Variants in CEP192 observed in about 807,000 individuals in gnomAD.
CEP192 encodes the protein centrosomal protein of 192 kDa.
CEP192 carries 151 observed loss-of-function variants against 271.8 expected under a neutral mutation model. The ratio of observed to expected loss-of-function variants is 0.56; its 90% CI spans 0.49 to 0.64. The LOEUF (loss-of-function observed/expected upper bound fraction) is 0.64. CEP192 is among the 30% of genes least tolerant of loss of function. The pLI is 0.00. For missense variants in CEP192, 2,910 were observed against 3,020.5 expected, an observed-to-expected ratio of 0.96 and a Z score of 0.86; for synonymous variants, 995 against 1,076.5, an observed-to-expected ratio of 0.92 and a Z score of 1.48.
intron 30 of CEP192, among the ~76,000 whole-genome samples, chr18:13,085,041 G>T (rs1568393067): frequency 2.0e-5 from 3 of 151,594 alleles, no homozygotes; most frequent in Non-Finnish European, 4.4e-5. Flanking sequence ...TAGCCAGGAT[G>T]GTCTTGATCT....
At chr18:13,050,786 G>T (rs1478713382) in intron 17 of CEP192, among the ~76,000 whole-genome samples, 1 of 151,958 alleles carries the variant, frequency 6.6e-6, no homozygotes, top group African/African-American at 2.4e-5. Flanking sequence ...CACCATGTTG[G>T]CCAGGCTGGT....
chr18:12,996,491 A>T (rs971212860), intron 1 of CEP192, among the ~76,000 whole-genome samples: 20 of 152,090 alleles, frequency 1.3e-4, no homozygotes, highest in Non-Finnish European at 2.2e-4. Context: ...GCGGTTGAAT[A>T]CCTGAGGTTC....
chr18:13,095,801 C>T (rs1041233694), intron 35 of CEP192, 120 bp downstream of exon 35: 9 of 864,730 alleles, frequency 1.0e-5, no homozygotes, highest in Non-Finnish European at 1.6e-5. Context: ...TGTGACTTGC[C>T]CAGGCCCTGC....
intron 1 of CEP192, among the ~76,000 whole-genome samples, chr18:12,996,292 CG>C (rs2033234356): frequency 6.6e-6 from 1 of 151,678 alleles, no homozygotes. Context: ...AGGGATTGCA[CG>C]TGATGGGGTG....
At position 13,056,231 on chromosome 18, in the gene CEP192, A is replaced by G. The variant is rs147664158; in HGVS notation, c.3641A>G (p.Gln1214Arg). 1.4e-4 allele frequency: 221 copies of G among 1,614,034 alleles called. No individual in the cohort carries two copies. The African/African-American group carries it at 2.7e-3, about 19-fold the overall frequency. The part of the protein sequence containing the change: ...KSTAGREFSG[Q>R]VSHQTTSENQ... Reference sequence around the variant, plus strand: ...ACTGCTGGCCGTGAGTTCAGTGGCCAGGTTTCTCATCAGACCACCTCTGAA... The same window carrying G: ...ACTGCTGGCCGTGAGTTCAGTGGCCGGGTTTCTCATCAGACCACCTCTGAA... Residue 1214 changes from glutamine to arginine, a missense_variant, in exon 19 of 45, where the codon CAG becomes CGG. Transcript: ENST00000506447.
At chr18:13,110,648 A>G (rs548944669) in intron 40 of CEP192, among the ~76,000 whole-genome samples, 12 of 152,328 alleles carry the variant, frequency 7.9e-5, no homozygotes, top group African/African-American at 2.4e-4. Flanking sequence ...AACAAGGCAA[A>G]GTCACACGAT....
At chr18:13,115,119 A>T (rs568628689) in intron 42 of CEP192, among the ~76,000 whole-genome samples, 40 of 152,196 alleles carry the variant, frequency 2.6e-4, no homozygotes, top group African/African-American at 9.4e-4. Context: ...ATTTGGAAGA[A>T]ATTAGAGCCC....
chr18:12,997,310 A>G (rs767241373), intron 1 of CEP192, among the ~76,000 whole-genome samples: 3 of 152,176 alleles, frequency 2.0e-5, no homozygotes, highest in Non-Finnish European at 2.9e-5. Flanking sequence ...TGAGCCCTGA[A>G]CAAGTCTGAG....
intron 1 of CEP192, among the ~76,000 whole-genome samples, chr18:12,998,551 T>G (rs759982810): frequency 6.6e-6 from 1 of 152,224 alleles, no homozygotes; most frequent in African/African-American, 2.4e-5. Flanking sequence ...TTAGTAGATA[T>G]GCAATAAAAT....
chr18:13,069,541 G>A (rs1015108256), intron 26 of CEP192, among the ~76,000 whole-genome samples, 197 bp from the exon 27 acceptor site: 2 of 152,156 alleles, frequency 1.3e-5, no homozygotes, highest in Non-Finnish European at 1.5e-5. Context: ...TGTGGGTGAG[G>A]TGGAAGATAA....
At chr18:13,080,765 G>A (rs1471692067) in intron 30 of CEP192, among the ~76,000 whole-genome samples, 1 of 152,122 alleles carries the variant, frequency 6.6e-6, no homozygotes, top group African/African-American at 2.4e-5. Flanking sequence ...TATGATATTG[G>A]CTGTGGGTTT....
chr18:13,012,229 C>T (rs780337704), intron 4 of CEP192, among the ~76,000 whole-genome samples: 1 of 152,054 alleles, frequency 6.6e-6, no homozygotes, highest in Non-Finnish European at 1.5e-5. Flanking sequence ...GGCTGCACAA[C>T]CTAGTGAACA....
chr18:13,102,192 C>T, intron 38 of CEP192, among the ~76,000 whole-genome samples: 1 of 152,142 alleles, frequency 6.6e-6, no homozygotes, highest in Admixed American at 6.5e-5. Flanking sequence ...TCCCCTGCTC[C>T]TGCTGTCACT....
intron 9 of CEP192, chr18:13,024,410 TG>T (rs2035172708): frequency 2.3e-6 from 1 of 431,740 alleles, no homozygotes; most frequent in African/African-American, 2.1e-5. Flanking sequence ...ACTTAGGTCT[TG>T]TTTTTTGATT....
At chr18:13,031,446 A>G (rs1248074409) in intron 11 of CEP192, among the ~76,000 whole-genome samples, 1 of 151,550 alleles carries the variant, frequency 6.6e-6, no homozygotes, top group East Asian at 1.9e-4. Flanking sequence ...ACGGGGTTTC[A>G]CCGTTTTAGC....
chr18:12,993,322 T>C (rs774329960), intron 1 of CEP192, among the ~76,000 whole-genome samples: 3 of 152,172 alleles, frequency 2.0e-5, no homozygotes, highest in Non-Finnish European at 4.4e-5. Flanking sequence ...AAGGTAGATG[T>C]CAGAGAGCCA....
intron 34 of CEP192, among the ~76,000 whole-genome samples, chr18:13,095,206 T>C (rs2039332710): frequency 6.6e-6 from 1 of 152,182 alleles, no homozygotes; most frequent in African/African-American, 2.4e-5. Context: ...CTTGCTATGT[T>C]GCCCAGGCTG....
chr18:13,119,101 A>G (rs1345789482), intron 44 of CEP192, among the ~76,000 whole-genome samples: 2 of 152,214 alleles, frequency 1.3e-5, no homozygotes, highest in South Asian at 2.1e-4. Context: ...ATAGGTTGGA[A>G]CTACTAAAAT....
At chr18:13,108,474 C>T (rs2040058429) in intron 40 of CEP192, among the ~76,000 whole-genome samples, 1 of 152,112 alleles carries the variant, frequency 6.6e-6, no homozygotes, top group Non-Finnish European at 1.5e-5. Flanking sequence ...AAACAAACCA[C>T]CCCATTAAAA....
Sources: gnomAD v4.1 joint callset for allele counts (sites outside exome capture counted in the v4.1 genomes callset) on GRCh38, gnomAD v4.1.1 for gene constraint, MANE v1.5 for transcripts, NCBI Gene and HGNC (gene_info 2026-07-23, HGNC 2026-07-21) for gene names.